Variants in PCDHGA6 observed in about 807,000 individuals in gnomAD.
The protein encoded by PCDHGA6 is protocadherin gamma subfamily A, 6.
PCDHGA6 carries 41 observed loss-of-function variants against 60.6 expected under a neutral mutation model. That is an observed-to-expected ratio of 0.68 (90% CI 0.53 to 0.88). PCDHGA6 has a LOEUF of 0.88. Ranked by LOEUF, PCDHGA6 falls within the 40% of genes least tolerant of loss-of-function variation. The pLI, the probability that PCDHGA6 is intolerant of heterozygous loss-of-function variation, is 0.00. For missense variants in PCDHGA6, 1,312 were observed against 1,203.0 expected (o/e 1.09, Z -1.34); for synonymous variants, 594 against 524.4 (o/e 1.13, Z -1.81).
At position 141,485,120 on chromosome 5, in the gene PCDHGA6, G is replaced by A. The variant is rs2099607447; in HGVS notation, c.2425-9687G>A. On this transcript the variant is annotated intron_variant, in intron 1 of 3. Coordinates refer to ENST00000517434, the MANE Select transcript of PCDHGA6 (RefSeq NM_018919.3). The surrounding 1 kb of genome is among the most constrained non-coding windows in gnomAD (Gnocchi z 5.7). ...TCCAGCTGCTGTGGCTGTTTGGGGC[G>A]GGTCGGCTTCATCCGCGTCTCAGGA... The A allele has an allele frequency of 1.5e-6, 2 of 1,348,050 alleles. No homozygotes were observed. Among genetic ancestry groups the A allele is most frequent in the Non-Finnish European group, 2.1e-6 (2 of 952,710 alleles). 83.5% of individuals were successfully genotyped at this position (1,348,050 alleles called of 1,614,324 possible).
At chr5:141,385,113 G>A (rs541716228) in intron 1 of PCDHGA6, 3 of 1,614,166 alleles carry the variant, frequency 1.9e-6, no homozygotes, top group South Asian at 2.2e-5. Context: ...TGCCCACCTC[G>A]CACTTTGTGG....
Position 141,376,694 on chromosome 5 carries a change from T to A in PCDHGA6, c.2424+187T>A, listed in dbSNP as rs77365062. On this transcript the variant is annotated intron_variant, in intron 1 of 3. Coordinates refer to ENST00000517434, the MANE Select transcript of PCDHGA6 (RefSeq NM_018919.3). Reference sequence around the variant, plus strand: ...GGGTATCGTTTTTTTTTTTTTTTTTTTTTGAGACGGAGTCTCGCTCTGTCG... The same window carrying A: ...GGGTATCGTTTTTTTTTTTTTTTTTATTTGAGACGGAGTCTCGCTCTGTCG... The A allele has an allele frequency of 5.1e-6, 4 of 779,702 alleles. 1 individual carries two copies. The highest frequency in any genetic ancestry group is 3.9e-6 in the Non-Finnish European group (2 of 515,410). 48.3% of individuals were successfully genotyped at this position (779,702 alleles called of 1,614,324 possible).
chr5:141,460,037 C>A (rs1203902962), intron 1 of PCDHGA6, among the ~76,000 whole-genome samples: 1 of 152,120 alleles, frequency 6.6e-6, no homozygotes, highest in African/African-American at 2.4e-5. Context: ...GAGACTGCAC[C>A]ACTGCACTCC....
chr5:141,414,657 C>T (rs1313928067), intron 1 of PCDHGA6: 1 of 1,614,004 alleles, frequency 6.2e-7, no homozygotes, highest in Admixed American at 1.7e-5. Context: ...TTATTTACTC[C>T]CTGGCTGAAG....
At position 141,491,456 on chromosome 5, in the gene PCDHGA6, C is replaced by G; in HGVS notation, c.2425-3351C>G. On this transcript the variant is annotated intron_variant, in intron 1 of 3. Transcript: ENST00000517434. The surrounding 1 kb of genome is among the most constrained non-coding windows in gnomAD (Gnocchi z 6.9). Reference sequence around the variant, plus strand: ...TGCAGGCGCCAGGACTCACCCTCCCCGGACTTCTATAAGCAGTCCAGCCCC... The same window carrying G: ...TGCAGGCGCCAGGACTCACCCTCCCGGGACTTCTATAAGCAGTCCAGCCCC... 1 of 1,614,104 alleles carries G rather than the reference C, an allele frequency of 6.2e-7. No homozygotes were observed. The highest frequency in any genetic ancestry group is 8.5e-7 in the Non-Finnish European group (1 of 1,180,010).
In PCDHGA6 at chr5:141,432,877, C is replaced by T. The variant is rs375043811; in HGVS notation, c.2424+56370C>T. 108 of 1,614,082 alleles carry T rather than the reference C, an allele frequency of 6.7e-5. No homozygotes were observed. Among genetic ancestry groups the T allele is most frequent in the Non-Finnish European group, 7.6e-5 (90 of 1,180,018 alleles). On this transcript the variant is annotated intron_variant, in intron 1 of 3. Coordinates refer to ENST00000517434, the MANE Select transcript of PCDHGA6 (RefSeq NM_018919.3). The surrounding 1 kb of genome is among the most constrained non-coding windows in gnomAD (Gnocchi z 6.0). Reference sequence around the variant, plus strand: ...CCGCGGTCTCCTGCGTCTTCCTGGCCTTCGTCATCTTGCTGCTGGCGCTCA... The same window carrying T: ...CCGCGGTCTCCTGCGTCTTCCTGGCTTTCGTCATCTTGCTGCTGGCGCTCA...
intron 1 of PCDHGA6, among the ~76,000 whole-genome samples, chr5:141,488,741 C>A (rs2099678972): frequency 1.3e-5 from 2 of 152,310 alleles, no homozygotes; most frequent in South Asian, 4.1e-4. Context: ...TGAAGTCATG[C>A]AGGAAGTTGC....
At chr5:141,408,643 C>T (rs751905674) in intron 1 of PCDHGA6, 3 of 1,613,910 alleles carry the variant, frequency 1.9e-6, no homozygotes, top group Non-Finnish European at 1.7e-6. Context: ...AATCTGCATC[C>T]GCTGGTACAC....
intron 1 of PCDHGA6, among the ~76,000 whole-genome samples, chr5:141,443,876 G>C (rs2098409251): frequency 6.6e-6 from 1 of 152,152 alleles, no homozygotes; most frequent in South Asian, 2.1e-4. Flanking sequence ...TTACTGATAA[G>C]TCAAGAGAAA....
intron 1 of PCDHGA6, among the ~76,000 whole-genome samples, chr5:141,455,890 T>G (rs1055285369): frequency 1.3e-5 from 2 of 149,264 alleles, no homozygotes; most frequent in African/African-American, 2.4e-5. Flanking sequence ...TTTATTTATT[T>G]ATTTATTTAT....
chr5:141,481,691 C>T (rs929210528), intron 1 of PCDHGA6, among the ~76,000 whole-genome samples: 7 of 152,080 alleles, frequency 4.6e-5, no homozygotes, highest in African/African-American at 1.4e-4. Flanking sequence ...TGGTGGCTCA[C>T]GCCTGTAATC....
intron 1 of PCDHGA6, chr5:141,478,509 G>A: frequency 1.2e-6 from 2 of 1,611,878 alleles, no homozygotes; most frequent in South Asian, 1.1e-5. Flanking sequence ...GTGTTCTATA[G>A]GCAGGTGTTG....
At chr5:141,392,766 C>T (rs1196100164) in intron 1 of PCDHGA6, 1 of 1,488,966 alleles carries the variant, frequency 6.7e-7, no homozygotes. Flanking sequence ...AAATAAGACC[C>T]ATTTATGCAC....
intron 1 of PCDHGA6, chr5:141,388,158 A>T (rs763395906): frequency 3.4e-5 from 50 of 1,469,960 alleles, no homozygotes; most frequent in Non-Finnish European, 4.7e-5. Flanking sequence ...CAGGCTAGAC[A>T]GGGAGGAGAT....
chr5:141,483,779 A>G (rs1259583177), intron 1 of PCDHGA6, among the ~76,000 whole-genome samples: 2 of 152,146 alleles, frequency 1.3e-5, no homozygotes, highest in Non-Finnish European at 2.9e-5. Context: ...TTGGGGAAGG[A>G]TAAGAACTCC....
At chr5:141,389,122 A>G (rs2091613113) in intron 1 of PCDHGA6, 1 of 1,613,914 alleles carries the variant, frequency 6.2e-7, no homozygotes, top group Admixed American at 1.7e-5. Context: ...CGCGAGCAGA[A>G]TCCAGAGTAC....
intron 1 of PCDHGA6, among the ~76,000 whole-genome samples, chr5:141,381,395 C>T (rs1588899901): frequency 6.6e-6 from 1 of 152,328 alleles, no homozygotes; most frequent in South Asian, 2.1e-4. Flanking sequence ...TAGTTTTACT[C>T]TATCAACATC....
At chr5:141,418,310 G>C (rs778649723) in intron 1 of PCDHGA6, 2 of 1,613,990 alleles carry the variant, frequency 1.2e-6, no homozygotes, top group Non-Finnish European at 1.7e-6. Context: ...CCTGGGGATG[G>C]GAACAATTCT....
At position 141,375,844 on chromosome 5, in the gene PCDHGA6, G is replaced by A. The variant is rs1771971426; in HGVS notation, c.1761G>A (p.Leu587=). Residue 587 remains leucine (L), a synonymous_variant, in exon 1 of 4, where the codon CTG becomes CTA. Coordinates refer to ENST00000517434, the MANE Select transcript of PCDHGA6 (RefSeq NM_018919.3). ...CCCGCTCCGCAGAGCCCGGCTACCT[G>A]GTGACCAAGGTGGTGGCGGTGGACA... is the stretch of plus-strand genomic sequence containing the variant. The part of the protein sequence containing the change: ...LAPRSAEPGY[L]VTKVVAVDRD... The A allele has an allele frequency of 1.2e-6, 2 of 1,614,082 alleles. No homozygotes were observed. Among genetic ancestry groups the A allele is most frequent in the Non-Finnish European group, 8.5e-7 (1 of 1,180,040 alleles).
Sources: gnomAD v4.1 joint callset for allele counts (sites outside exome capture counted in the v4.1 genomes callset) on GRCh38, gnomAD v4.1.1 for gene constraint, Gnocchi (gnomAD v3.1) non-coding constraint, MANE v1.5 for transcripts, NCBI Gene and HGNC (gene_info 2026-07-23, HGNC 2026-07-21) for gene names.